Variants in RPS6KC1 observed in about 807,000 individuals in gnomAD.
RPS6KC1 encodes ribosomal protein S6 kinase C1.
A neutral mutation model predicts 103.8 loss-of-function variants in RPS6KC1; 54 were observed. The observed-to-expected ratio is 0.52, with a 90% CI of 0.42 to 0.65. The LOEUF (loss-of-function observed/expected upper bound fraction) is 0.65, where lower values mean the gene tolerates loss of function less well. Ranked by LOEUF, RPS6KC1 falls within the 30% of genes least tolerant of loss-of-function variation. RPS6KC1 has a pLI of 0.00. For missense variants in RPS6KC1, 1,151 were observed against 1,253.8 expected, an observed-to-expected ratio of 0.92 and a Z score of 1.24; for synonymous variants, 439 against 438.7, an observed-to-expected ratio of 1.00 and a Z score of -0.01.
the RPS6KC1 span, among the ~76,000 whole-genome samples, chr1:213,855,118 C>G: frequency 1.3e-5 from 2 of 152,206 alleles, no homozygotes; most frequent in Admixed American, 6.5e-5. Context: ...CCTTATTTAA[C>G]CTTAATTATA....
chr1:213,185,825 C>T lies in RPS6KC1; in HGVS notation c.1044+9333C>T, dbSNP rs372678320. Among the ~76,000 whole-genome samples the T allele has an allele frequency of 1.6e-4, 24 of 148,392 alleles. No individual in the cohort carries two copies. The South Asian group carries it at 4.7e-3, about 29-fold the overall frequency. ...TCTGTCTTTGTGGGTAAGTACTTTT[C>T]TCTGGTAGTATGTTTTAATTTGTAG... On this transcript the variant is annotated intron_variant, in intron 8 of 14. Coordinates refer to ENST00000366960, the MANE Select transcript of RPS6KC1 (RefSeq NM_012424.6).
At chr1:213,718,651 T>C in the RPS6KC1 span, among the ~76,000 whole-genome samples, 1 of 152,238 alleles carries the variant, frequency 6.6e-6, no homozygotes, top group Non-Finnish European at 1.5e-5. Context: ...ACATTGTTCC[T>C]TCCACACCAT....
the RPS6KC1 span, among the ~76,000 whole-genome samples, chr1:213,507,022 A>G: frequency 6.6e-6 from 1 of 152,130 alleles, no homozygotes; most frequent in African/African-American, 2.4e-5. Context: ...ATTCCAGGAG[A>G]GAGTGTTCTG....
chr1:213,615,698 T>A, the RPS6KC1 span, among the ~76,000 whole-genome samples: 1 of 152,230 alleles, frequency 6.6e-6, no homozygotes, highest in Non-Finnish European at 1.5e-5. Flanking sequence ...TCTGGGGGCC[T>A]TGCTGCAGGA....
intron 8 of RPS6KC1, among the ~76,000 whole-genome samples, chr1:213,208,518 A>G (rs1031115844): frequency 4.0e-5 from 6 of 151,782 alleles, no homozygotes; most frequent in African/African-American, 1.5e-4. Context: ...TCTTTTTTCC[A>G]TTTGGGTAAC....
chr1:213,722,033 T>A, the RPS6KC1 span, among the ~76,000 whole-genome samples: 1 of 152,136 alleles, frequency 6.6e-6, no homozygotes. Context: ...GGATTTTCTG[T>A]GCATGCTGCC....
At chr1:213,085,813 G>A (rs112771342) in intron 3 of RPS6KC1, among the ~76,000 whole-genome samples, 303 of 152,062 alleles carry the variant, frequency 2.0e-3, no homozygotes, top group Non-Finnish European at 3.1e-3. Flanking sequence ...AGTTTAGAAT[G>A]CATTAATACA....
the RPS6KC1 span, among the ~76,000 whole-genome samples, chr1:213,291,630 G>A: frequency 6.6e-6 from 1 of 152,210 alleles, no homozygotes; most frequent in African/African-American, 2.4e-5. Flanking sequence ...AGCCCAGAGA[G>A]ACCAAAGTCA....
chr1:213,846,128 T>TAAAA, the RPS6KC1 span, among the ~76,000 whole-genome samples: 1 of 82,852 alleles, frequency 1.2e-5, no homozygotes, highest in African/African-American at 4.6e-5. Flanking sequence ...CCGTCTCAAC[T>TAAAA]AAAAAAAAAA....
intron 8 of RPS6KC1, among the ~76,000 whole-genome samples, chr1:213,190,856 TTTGC>T (rs1458151999): frequency 2.0e-5 from 3 of 152,204 alleles, no homozygotes; most frequent in Non-Finnish European, 4.4e-5. Flanking sequence ...GTTTCACTCT[TTTGC>T]ATATGGATAT....
chr1:213,417,965 T>C, the RPS6KC1 span, among the ~76,000 whole-genome samples: 5 of 152,220 alleles, frequency 3.3e-5, no homozygotes, highest in East Asian at 9.7e-4. Flanking sequence ...CAAATTCCCA[T>C]GGTGTGACAC....
chr1:213,387,574 T>C, the RPS6KC1 span, among the ~76,000 whole-genome samples: 1 of 152,234 alleles, frequency 6.6e-6, no homozygotes, highest in East Asian at 1.9e-4. Flanking sequence ...AAGTTGAGCA[T>C]ATGTTGGTTT....
At chr1:213,117,494 G>A (rs1301077026) in intron 5 of RPS6KC1, 84 bp downstream of exon 5, 16 of 730,286 alleles carry the variant, frequency 2.2e-5, no homozygotes, top group Middle Eastern at 3.1e-4. Flanking sequence ...AAAGACAGAT[G>A]TATATAGGAA....
chr1:213,291,083 C>T, the RPS6KC1 span, among the ~76,000 whole-genome samples: 17 of 152,304 alleles, frequency 1.1e-4, no homozygotes, highest in East Asian at 2.5e-3. Flanking sequence ...CTAGATTGCT[C>T]CCTAAGCCTG....
chr1:213,152,496 G>A (rs1456380320), intron 6 of RPS6KC1, among the ~76,000 whole-genome samples: 24 of 150,258 alleles, frequency 1.6e-4, no homozygotes, highest in African/African-American at 3.7e-4. Flanking sequence ...GGTGGCTGCC[G>A]GGCGGAGGGG....
chr1:213,241,799 A>G lies in RPS6KC1; in HGVS notation c.2323A>G (p.Met775Val). 6.2e-7 allele frequency: 1 copy of G among 1,614,016 alleles called. No homozygotes were observed. The highest frequency in any genetic ancestry group is 8.5e-7 in the Non-Finnish European group (1 of 1,179,944). The change falls in exon 11 of 15, where the codon ATG (methionine) becomes GTG (valine). Residue 775 changes from methionine to valine, a missense_variant. Transcript: ENST00000366960. Reference sequence around the variant, plus strand: ...ACACTATGCACAGGAGGATCCCAGGATGTTATTTGTAGCAGCTGTTGATCA... The same window carrying G: ...ACACTATGCACAGGAGGATCCCAGGGTGTTATTTGTAGCAGCTGTTGATCA... Reference protein sequence around the residue: ...EKHYAQEDPRMLFVAAVDHSS... With the variant: ...EKHYAQEDPRVLFVAAVDHSS...
the RPS6KC1 span, among the ~76,000 whole-genome samples, chr1:213,711,389 C>T: frequency 4.6e-5 from 7 of 152,224 alleles, no homozygotes; most frequent in South Asian, 1.5e-3. Context: ...GTAAACTGCT[C>T]ATTCTAGTTA....
intron 6 of RPS6KC1, among the ~76,000 whole-genome samples, chr1:213,151,229 C>T (rs1394178975): frequency 3.3e-5 from 4 of 119,430 alleles, no homozygotes; most frequent in Admixed American, 7.8e-5. Flanking sequence ...CTGACCCCCC[C>T]ACCTCCCTCC....
the RPS6KC1 span, among the ~76,000 whole-genome samples, chr1:213,722,680 C>A: frequency 1.3e-5 from 2 of 152,176 alleles, no homozygotes; most frequent in Non-Finnish European, 2.9e-5. Flanking sequence ...TCCGTGTAAT[C>A]AGCAATGCCA....
Sources: allele counts gnomAD v4.1 joint callset (sites outside exome capture counted in the v4.1 genomes callset), GRCh38; gene constraint gnomAD v4.1.1; transcripts MANE v1.5; gene names NCBI Gene and HGNC (gene_info 2026-07-23, HGNC 2026-07-21).